The following GPHN variants were observed in gnomAD, a reference collection of about 807,000 sequenced individuals.
The protein encoded by GPHN is gephyrin.
In GPHN, 17 loss-of-function variants were observed where a neutral mutation model predicts 95.5. That is an observed-to-expected ratio of 0.18 (90% CI 0.12 to 0.27). The LOEUF (loss-of-function observed/expected upper bound fraction) is 0.27, where lower values mean the gene tolerates loss of function less well. Among genes scored for constraint, GPHN ranks in the 10% least tolerant of loss-of-function variants. GPHN has a pLI of 1.00. For missense variants in GPHN, 660 were observed against 978.1 expected, an observed-to-expected ratio of 0.67 and a Z score of 4.34; for synonymous variants, 320 against 322.5, an observed-to-expected ratio of 0.99 and a Z score of 0.08.
intron 4 of GPHN, among the ~76,000 whole-genome samples, chr14:66,872,154 A>T (rs181817234): frequency 6.6e-6 from 1 of 152,324 alleles, no homozygotes; most frequent in East Asian, 1.9e-4. Flanking sequence ...CTTTATTTAT[A>T]ACATCAATTA....
chr14:67,224,468 G>C, the GPHN span, among the ~76,000 whole-genome samples: 1 of 151,792 alleles, frequency 6.6e-6, no homozygotes, highest in Non-Finnish European at 1.5e-5. Flanking sequence ...CATTGTGTTA[G>C]CCAGGATGGT....
At chr14:67,222,625 T>G in the GPHN span, among the ~76,000 whole-genome samples, 1 of 152,140 alleles carries the variant, frequency 6.6e-6, no homozygotes, top group Admixed American at 6.5e-5. Flanking sequence ...GATTTTTCTT[T>G]ATATATTGCC....
chr14:66,860,265 A>G (rs1463023478), intron 4 of GPHN, among the ~76,000 whole-genome samples: 1 of 152,176 alleles, frequency 6.6e-6, no homozygotes, highest in Non-Finnish European at 1.5e-5. Context: ...GCTCTACTAC[A>G]TCTGGCAGCA....
At chr14:67,642,627 C>T in the GPHN span, among the ~76,000 whole-genome samples, 327 of 152,024 alleles carry the variant, frequency 2.2e-3, 1 homozygote, top group African/African-American at 7.4e-3. Context: ...GGCAAGGTTC[C>T]TAGGCACTGT....
the GPHN span, chr14:67,515,407 C>CCGT: frequency 2.2e-5 from 4 of 178,790 alleles, no homozygotes; most frequent in Admixed American, 2.6e-4. Context: ...AAAGGAGCCC[C>CCGT]CGGCGGCGGC....
chr14:67,234,357 G>C, the GPHN span, among the ~76,000 whole-genome samples: 1 of 152,164 alleles, frequency 6.6e-6, no homozygotes, highest in Non-Finnish European at 1.5e-5. Flanking sequence ...GGGAAGGGAA[G>C]TAAGAATGGT....
the GPHN span, among the ~76,000 whole-genome samples, chr14:67,398,538 GA>G: frequency 6.6e-6 from 1 of 151,702 alleles, no homozygotes. Flanking sequence ...TGCCACCTGA[GA>G]ACCAACTAAA....
the GPHN span, among the ~76,000 whole-genome samples, chr14:67,510,481 A>G: frequency 6.6e-6 from 1 of 152,250 alleles, no homozygotes; most frequent in African/African-American, 2.4e-5. Flanking sequence ...ATGTGTTAGA[A>G]ACTGTGCAGG....
chr14:67,035,561 C>T (rs542468857), intron 10 of GPHN, among the ~76,000 whole-genome samples: 184 of 151,800 alleles, frequency 1.2e-3, no homozygotes, highest in African/African-American at 4.2e-3. Context: ...ACTGATGCTT[C>T]GGAAATAGAG....
chr14:67,656,280 GAAAAGCATAAGAACTTAA>G, the GPHN span: 1 of 801,122 alleles, frequency 1.2e-6, no homozygotes, highest in African/African-American at 1.8e-5. Flanking sequence ...TAAAAATTGA[GAAAAGCATAAGAACTTAA>G]AAAAGACTAT....
the GPHN span, among the ~76,000 whole-genome samples, chr14:67,633,045 C>T: frequency 1.3e-5 from 2 of 151,946 alleles, no homozygotes; most frequent in African/African-American, 4.8e-5. Flanking sequence ...TGGTCTCGAT[C>T]TCCTGACCTC....
At chr14:67,465,766 G>T in the GPHN span, among the ~76,000 whole-genome samples, 1 of 152,224 alleles carries the variant, frequency 6.6e-6, no homozygotes, top group African/African-American at 2.4e-5. Context: ...TTGAAAAGGG[G>T]TCTTTGCAGT....
At chr14:67,045,885 T>C (rs2074991961) in intron 10 of GPHN, among the ~76,000 whole-genome samples, 1 of 152,066 alleles carries the variant, frequency 6.6e-6, no homozygotes, top group South Asian at 2.1e-4. Context: ...TAGATCTAAT[T>C]CATTTTCAAG....
chr14:66,744,810 A>G (rs958932348), intron 2 of GPHN, among the ~76,000 whole-genome samples: 4 of 152,094 alleles, frequency 2.6e-5, no homozygotes, highest in African/African-American at 4.8e-5. Flanking sequence ...TTGACAGTAG[A>G]TATTTTAGTC....
intron 21 of GPHN, among the ~76,000 whole-genome samples, chr14:67,172,881 T>C (rs978571963): frequency 1.3e-5 from 2 of 152,184 alleles, no homozygotes; most frequent in Non-Finnish European, 2.9e-5. Flanking sequence ...CAGTCACTAC[T>C]ACATGCTGCC....
chr14:67,573,243 C>T, the GPHN span: 2 of 1,370,718 alleles, frequency 1.5e-6, no homozygotes, highest in Non-Finnish European at 1.0e-6. This position sits in a 1 kb window ranked among gnomAD's most constrained non-coding sequence, Gnocchi z 4.8. Context: ...GAGTGATTTC[C>T]CCTTTCTTCA....
chr14:67,067,009 C>T (rs928247720), intron 11 of GPHN, among the ~76,000 whole-genome samples: 2 of 152,154 alleles, frequency 1.3e-5, no homozygotes, highest in Admixed American at 1.3e-4. Context: ...GGAGAAAAGG[C>T]GCTCTGGTTT....
chr14:67,042,307 T>C (rs947870908), intron 10 of GPHN, among the ~76,000 whole-genome samples: 2 of 152,160 alleles, frequency 1.3e-5, no homozygotes, highest in Non-Finnish European at 2.9e-5. Flanking sequence ...TTTGCCCATG[T>C]CTATGTCCTG....
chr14:67,525,729 GA>G, the GPHN span, among the ~76,000 whole-genome samples: 1 of 152,202 alleles, frequency 6.6e-6, no homozygotes, highest in East Asian at 1.9e-4. Flanking sequence ...TATATTTACA[GA>G]AAGTTACTTT....
Sources: allele counts gnomAD v4.1 joint callset (sites outside exome capture counted in the v4.1 genomes callset), GRCh38; gene constraint gnomAD v4.1.1; non-coding constraint Gnocchi (gnomAD v3.1); transcripts MANE v1.5; gene names NCBI Gene and HGNC (gene_info 2026-07-23, HGNC 2026-07-21).